CCDC170: variants seen among roughly 807,000 people sequenced by gnomAD.
CCDC170 encodes coiled-coil domain containing 170.
A neutral mutation model predicts 72.6 loss-of-function variants in CCDC170; 69 were observed. That is an observed-to-expected ratio of 0.95 (90% CI 0.78 to 1.16). The LOEUF (loss-of-function observed/expected upper bound fraction) is 1.16, where lower values mean the gene tolerates loss of function less well. CCDC170 is among the 50% of genes most tolerant of loss of function. CCDC170 has a pLI of 0.00. For missense variants in CCDC170, 852 were observed against 832.5 expected (o/e 1.02, Z -0.29); for synonymous variants, 300 against 303.9 (o/e 0.99, Z 0.13).
chr6:151,599,478 G>T (rs762448376), intron 9 of CCDC170, among the ~76,000 whole-genome samples: 1 of 152,172 alleles, frequency 6.6e-6, no homozygotes, highest in Non-Finnish European at 1.5e-5. Flanking sequence ...GGTCTGGTTG[G>T]CTGCTGCTGA....
chr6:151,569,171 C>G (rs1355339340), intron 5 of CCDC170, among the ~76,000 whole-genome samples: 1 of 152,086 alleles, frequency 6.6e-6, no homozygotes, highest in Admixed American at 6.5e-5. Flanking sequence ...GAATTAAGCT[C>G]AAGCCACAGG....
chr6:151,556,692 AG>A (rs145949838), intron 5 of CCDC170, among the ~76,000 whole-genome samples: 11,616 of 152,254 alleles, frequency 0.076, 554 homozygotes, highest in Non-Finnish European at 0.11. Context: ...AAGGTATTTA[AG>A]GTCTTCATCA....
intron 10 of CCDC170, among the ~76,000 whole-genome samples, chr6:151,617,164 C>T (rs1342646158): frequency 6.6e-6 from 1 of 152,128 alleles, no homozygotes; most frequent in African/African-American, 2.4e-5. Context: ...GCCAGATGCC[C>T]TGATTTATCT....
chr6:151,592,618 C>T (rs1423174902), intron 7 of CCDC170, among the ~76,000 whole-genome samples: 1 of 152,184 alleles, frequency 6.6e-6, no homozygotes, highest in East Asian at 1.9e-4. Flanking sequence ...ATGCGGGAAA[C>T]TGCCCCCATG....
At chr6:151,575,417 A>G (rs1363480668) in intron 6 of CCDC170, among the ~76,000 whole-genome samples, 1 of 141,994 alleles carries the variant, frequency 7.0e-6, no homozygotes, top group Non-Finnish European at 1.5e-5. Flanking sequence ...TGGGCAACAG[A>G]GCGAGACTCT....
chr6:151,527,025 G>C (rs1023949810), intron 1 of CCDC170, among the ~76,000 whole-genome samples: 11 of 149,066 alleles, frequency 7.4e-5, no homozygotes, highest in South Asian at 6.5e-4. Flanking sequence ...GCTGGGACTA[G>C]AGGTGTGCAC....
intron 7 of CCDC170, among the ~76,000 whole-genome samples, chr6:151,587,957 T>C (rs1443242490): frequency 6.6e-6 from 1 of 151,962 alleles, no homozygotes; most frequent in Non-Finnish European, 1.5e-5. Flanking sequence ...GCAGAAAGAA[T>C]AGCAGGAACA....
intron 5 of CCDC170, among the ~76,000 whole-genome samples, chr6:151,560,742 G>A (rs954778689): frequency 6.6e-6 from 1 of 152,012 alleles, no homozygotes; most frequent in African/African-American, 2.4e-5. Flanking sequence ...ACTGTTGTAG[G>A]TTTAAATTCT....
chr6:151,521,622 C>A (rs1458562439), intron 1 of CCDC170, among the ~76,000 whole-genome samples: 3 of 151,966 alleles, frequency 2.0e-5, no homozygotes. Context: ...CTTAAGTGAC[C>A]CAGGAAATAG....
At chr6:151,495,882 C>T (rs1781902227) in intron 1 of CCDC170, among the ~76,000 whole-genome samples, 1 of 152,150 alleles carries the variant, frequency 6.6e-6, no homozygotes, top group Admixed American at 6.5e-5. Context: ...TGATCAAAAT[C>T]GGGATGTTTA....
chr6:151,505,984 C>G (rs950126863), intron 1 of CCDC170, among the ~76,000 whole-genome samples: 8 of 152,126 alleles, frequency 5.3e-5, no homozygotes, highest in African/African-American at 1.7e-4. Flanking sequence ...GCCTGTAGTT[C>G]CAGCTACTCA....
chr6:151,549,151 C>A (rs6908675), intron 5 of CCDC170, among the ~76,000 whole-genome samples: 7 of 152,006 alleles, frequency 4.6e-5, no homozygotes, highest in Admixed American at 6.6e-5. Context: ...GTGATCTGCC[C>A]GCCTCAGCCT....
chr6:151,554,872 GTTTT>G (rs1173500486), intron 5 of CCDC170, among the ~76,000 whole-genome samples: 2 of 102,320 alleles, frequency 2.0e-5, no homozygotes, highest in African/African-American at 7.5e-5. Context: ...TTGGACCTCA[GTTTT>G]TTTTTTTTTT....
intron 5 of CCDC170, among the ~76,000 whole-genome samples, chr6:151,560,405 T>G (rs987581228): frequency 2.0e-4 from 31 of 152,160 alleles, no homozygotes; most frequent in African/African-American, 7.5e-4. Context: ...TAGAGAATGT[T>G]CTATTTGCAG....
chr6:151,564,892 C>G (rs1776106054), intron 5 of CCDC170, among the ~76,000 whole-genome samples: 1 of 152,176 alleles, frequency 6.6e-6, no homozygotes, highest in African/African-American at 2.4e-5. Context: ...GATCCCTGGA[C>G]TCCTGGAGGA....
At chr6:151,576,110 G>A (rs1037877610) in intron 6 of CCDC170, among the ~76,000 whole-genome samples, 2 of 152,144 alleles carry the variant, frequency 1.3e-5, no homozygotes, top group African/African-American at 2.4e-5. Flanking sequence ...ACATTCAGTG[G>A]AAACCACACT....
chr6:151,558,531 G>A (rs1424765426), intron 5 of CCDC170, among the ~76,000 whole-genome samples: 1 of 152,028 alleles, frequency 6.6e-6, no homozygotes, highest in Non-Finnish European at 1.5e-5. Context: ...ATAGTTTTAG[G>A]TTTAAGTCAT....
intron 5 of CCDC170, among the ~76,000 whole-genome samples, chr6:151,552,152 A>G (rs570916799): frequency 6.6e-6 from 1 of 152,124 alleles, no homozygotes; most frequent in East Asian, 1.9e-4. Flanking sequence ...TGTAAACTTA[A>G]AAGTTGGATC....
In CCDC170 at chr6:151,544,690, G is replaced by A. The variant is rs1221478290; in HGVS notation, c.562G>A (p.Ala188Thr). 1.2e-5 allele frequency: 20 copies of A among 1,612,102 alleles called. No individual in the cohort carries two copies. Among genetic ancestry groups the A allele is most frequent in the Non-Finnish European group, 1.6e-5 (19 of 1,178,430 alleles). Residue 188 changes from alanine (A) to threonine (T), a missense_variant, in exon 4 of 11, where the codon GCA becomes ACA. Ala to Thr is a moderately conservative substitution (Grantham distance 58). Transcript: ENST00000239374. ...GGATCCAGATGAGAGGAATGACAAG[G>A]CATCAGATGAAGATTTAATTTTAAA... is the stretch of plus-strand genomic sequence containing the variant. ...CLDPDERNDK[A>T]SDEDLILKLR...
Sources: gnomAD v4.1 joint callset for allele counts (sites outside exome capture counted in the v4.1 genomes callset) on GRCh38, gnomAD v4.1.1 for gene constraint, MANE v1.5 for transcripts, NCBI Gene and HGNC (gene_info 2026-07-23, HGNC 2026-07-21) for gene names.